DST: variants seen among roughly 807,000 people sequenced by gnomAD.
The protein encoded by DST is bullous pemphigoid antigen.
In DST, 253 loss-of-function variants were observed where a neutral mutation model predicts 875.2. That is an observed-to-expected ratio of 0.29 (90% confidence interval 0.26 to 0.32). The LOEUF (loss-of-function observed/expected upper bound fraction) is 0.32, where lower values mean the gene tolerates loss of function less well. Ranked by LOEUF, DST falls within the 10% of genes least tolerant of loss-of-function variation. The pLI is 1.00. For synonymous variants in DST, 3,124 were observed against 3,197.1 expected, an observed-to-expected ratio of 0.98 and a Z score of 0.77; for missense variants, 8,287 against 9,111.6, an observed-to-expected ratio of 0.91 and a Z score of 3.68.
At chr6:56,934,560 TTA>T (rs60018139) in intron 2 of DST, among the ~76,000 whole-genome samples, 30,560 of 106,158 alleles carry the variant, frequency 0.29, 4,433 homozygotes, top group South Asian at 0.46. Context: ...ATATATTATA[TTA>T]TATATATATA....
intron 75 of DST, 85 bp downstream of exon 75, chr6:56,508,444 G>A (rs2096393353): frequency 7.5e-6 from 8 of 1,066,364 alleles, no homozygotes; most frequent in African/African-American, 1.6e-5. Flanking sequence ...TGTTAACAGA[G>A]TAACTCCTAA....
intron 23 of DST, among the ~76,000 whole-genome samples, chr6:56,636,239 TATA>T (rs2098822824): frequency 2.0e-5 from 3 of 148,960 alleles, no homozygotes; most frequent in Admixed American, 6.7e-5. Context: ...AATTCACATA[TATA>T]TATATATATA....
chr6:56,729,312 T>TG (rs998219114), intron 5 of DST, among the ~76,000 whole-genome samples: 5 of 152,158 alleles, frequency 3.3e-5, no homozygotes, highest in Admixed American at 6.5e-5. Flanking sequence ...CTATTTTGGC[T>TG]GGGGGCAGTG....
intron 4 of DST, among the ~76,000 whole-genome samples, chr6:56,746,038 G>C (rs553595583): frequency 6.6e-6 from 1 of 152,200 alleles, no homozygotes; most frequent in Admixed American, 6.5e-5. Flanking sequence ...CTAGAGTACA[G>C]TGGCATGATC....
chr6:56,842,830 C>T (rs1250824796), intron 4 of DST, among the ~76,000 whole-genome samples: 4 of 152,158 alleles, frequency 2.6e-5, no homozygotes, highest in Admixed American at 6.5e-5. Flanking sequence ...CCCTTCCCCC[C>T]TCTCTACCGC....
intron 3 of DST, among the ~76,000 whole-genome samples, chr6:56,870,504 T>G (rs1776553826): frequency 6.7e-6 from 1 of 149,936 alleles, no homozygotes; most frequent in Admixed American, 6.6e-5. Context: ...GGCTCACGCC[T>G]GTAATCCCAG....
At chr6:56,706,693 C>T (rs2152886727) in intron 5 of DST, among the ~76,000 whole-genome samples, 1 of 152,232 alleles carries the variant, frequency 6.6e-6, no homozygotes, top group Admixed American at 6.5e-5. Flanking sequence ...CTAGATCCCT[C>T]ACATGCACAG....
Position 56,471,284 on chromosome 6 carries a change from G to A in DST, c.22159-16C>T. On this transcript the variant is annotated splice_polypyrimidine_tract_variant and intron_variant, in intron 94 of 103. Coordinates refer to ENST00000680361, the MANE Select transcript of DST (RefSeq NM_001374736.1). ...ATTCCCTCAGCTAAAAGGACAAAAA[G>A]TATTTTGATTGAGTTAATGCTGTAC... The A allele has an allele frequency of 6.4e-7, 1 of 1,561,206 alleles. No homozygotes were observed. Among genetic ancestry groups the A allele is most frequent in the Non-Finnish European group, 8.7e-7 (1 of 1,151,266 alleles).
At chr6:56,844,062 C>G (rs1421377217) in intron 4 of DST, 1 of 152,398 alleles carries the variant, frequency 6.6e-6, no homozygotes, top group Non-Finnish European at 1.5e-5. Context: ...AGCGGCTCTC[C>G]CTGGGTAAGG....
intron 9 of DST, among the ~76,000 whole-genome samples, chr6:56,696,348 G>A (rs2152867526): frequency 6.6e-6 from 1 of 152,220 alleles, no homozygotes; most frequent in South Asian, 2.1e-4. Flanking sequence ...TTTCAGTAGA[G>A]ACCAGGTTTC....
rs80152064 is a variant in DST, at chr6:56,815,747, C to T, written c.625+35650G>A. 1.5e-3 allele frequency among the ~76,000 whole-genome samples: 229 copies of T among 152,236 alleles called. 3 individuals carry two copies. In the East Asian group the frequency reaches 0.037, roughly 25 times the overall value. ...AAAGTAGATTATAAAATATTGTAAA[C>T]ATCTGGTTTCCCACTCTAATTTAAA... On this transcript the variant is annotated intron_variant, in intron 4 of 103. Transcript: ENST00000680361.
chr6:56,581,941 T>G (rs935608586), intron 49 of DST, among the ~76,000 whole-genome samples: 17 of 152,246 alleles, frequency 1.1e-4, no homozygotes, highest in Admixed American at 1.1e-3. Flanking sequence ...GATTCCATCC[T>G]AAGGCTTATT....
intron 90 of DST, among the ~76,000 whole-genome samples, chr6:56,481,666 C>A (rs182187390): frequency 1.3e-5 from 2 of 152,248 alleles, no homozygotes; most frequent in Admixed American, 6.5e-5. Flanking sequence ...TACAATCCTA[C>A]GGGTATAATT....
chr6:56,720,713 T>C (rs1331555542), intron 5 of DST, among the ~76,000 whole-genome samples: 2 of 152,238 alleles, frequency 1.3e-5, no homozygotes, highest in Non-Finnish European at 2.9e-5. Context: ...GAAGAATTTT[T>C]CTTAGTACAG....
At chr6:56,843,361 C>G in intron 4 of DST, 20 of 1,182,996 alleles carry the variant, frequency 1.7e-5, no homozygotes, top group Non-Finnish European at 2.1e-5. Context: ...CCGGGCAGGC[C>G]GATGGTGGGC....
chr6:56,568,382 GCATTAATTTAAAAA>G (rs1168057345), intron 55 of DST, 73 bp downstream of exon 55: 6 of 1,368,816 alleles, frequency 4.4e-6, no homozygotes, highest in Non-Finnish European at 5.0e-6. Flanking sequence ...GTTATTTTAT[GCATTAATTTAAAAA>G]ATAACATACA....
chr6:56,820,816 G>A lies in DST; in HGVS notation c.625+30581C>T, dbSNP rs1246795684. Among the ~76,000 whole-genome samples the A allele has an allele frequency of 2.0e-5, 3 of 151,858 alleles. No homozygotes were observed. In the East Asian group the frequency reaches 5.8e-4, roughly 29 times the overall value. On this transcript the variant is annotated intron_variant, in intron 4 of 103. Coordinates refer to ENST00000680361, the MANE Select transcript of DST (RefSeq NM_001374736.1). The stretch of plus-strand genomic sequence containing the variant: ...TTTCTTTTTCACAGAAAAAAAAAAG[G>A]ATGACAAATCTAAATGTTAGTTATC...
At chr6:56,841,172 T>C (rs1057150515) in intron 4 of DST, among the ~76,000 whole-genome samples, 1 of 152,172 alleles carries the variant, frequency 6.6e-6, no homozygotes, top group Non-Finnish European at 1.5e-5. Context: ...AGTGAAGTCA[T>C]CATACTGGAT....
intron 9 of DST, among the ~76,000 whole-genome samples, chr6:56,685,014 G>A (rs890799574): frequency 1.8e-5 from 2 of 109,708 alleles, no homozygotes; most frequent in African/African-American, 7.2e-5. Flanking sequence ...ACACAGAAGA[G>A]CAGATTTGCC....
Sources: allele counts gnomAD v4.1 joint callset (sites outside exome capture counted in the v4.1 genomes callset), GRCh38; gene constraint gnomAD v4.1.1; transcripts MANE v1.5; gene names NCBI Gene and HGNC (gene_info 2026-07-23, HGNC 2026-07-21).